Variants in RARB observed in about 807,000 individuals in gnomAD.
RARB encodes retinoic acid receptor beta.
Under a neutral mutation model 51.9 loss-of-function variants are expected in RARB, and 17 were observed. The ratio of observed to expected loss-of-function variants is 0.33; its 90% CI spans 0.22 to 0.49. The LOEUF is 0.49. RARB is among the 20% of genes least tolerant of loss of function. The probability of loss-of-function intolerance (pLI) is 0.99; values close to 1 mark genes in which losing one functional copy is unlikely to be tolerated. For synonymous variants in RARB, 215 were observed against 195.4 expected, an observed-to-expected ratio of 1.10 and a Z score of -0.84; for missense variants, 369 against 550.8, an observed-to-expected ratio of 0.67 and a Z score of 3.30.
chr3:24,861,693 C>T (rs1199439507), intron 2 of RARB, among the ~76,000 whole-genome samples: 1 of 151,442 alleles, frequency 6.6e-6, no homozygotes, highest in African/African-American at 2.4e-5. Context: ...TAGTGTCTGG[C>T]TTAATAGGTA....
chr3:25,450,156 A>G (rs1709128923), intron 1 of RARB, among the ~76,000 whole-genome samples: 1 of 152,190 alleles, frequency 6.6e-6, no homozygotes, highest in African/African-American at 2.4e-5. Flanking sequence ...TATATGCTCC[A>G]TGAGTGTTAG....
chr3:25,521,146 C>T (rs927232246), intron 3 of RARB, among the ~76,000 whole-genome samples: 6 of 152,304 alleles, frequency 3.9e-5, no homozygotes, highest in East Asian at 1.9e-4. Flanking sequence ...AAGGAAAGGG[C>T]GTTACCTTTC....
intron 2 of RARB, among the ~76,000 whole-genome samples, chr3:24,864,934 G>A (rs1367178400): frequency 6.6e-6 from 1 of 152,116 alleles, no homozygotes; most frequent in South Asian, 2.1e-4. Context: ...GCTAGTCAAG[G>A]AACTGTACTT....
chr3:25,259,233 A>G lies in RARB; in HGVS notation c.178+84658A>G, dbSNP rs540126982. Among the ~76,000 whole-genome samples the G allele has an allele frequency of 9.9e-5, 15 of 152,234 alleles. No homozygotes were observed. In the South Asian group the frequency reaches 2.7e-3, roughly 27 times the overall value. On this transcript the variant is annotated intron_variant, in intron 5 of 11. Transcript: ENST00000383772. ...CACCAATGATTAGCATTCCCTTTCC[A>G]TAATAGGGAGTTTTTGCTGTGAAGT...
intron 5 of RARB, among the ~76,000 whole-genome samples, chr3:25,211,498 A>T (rs1575223803): frequency 6.6e-6 from 1 of 152,386 alleles, no homozygotes; most frequent in Non-Finnish European, 1.5e-5. Context: ...GAAATTTATT[A>T]ATAAAGATCA....
chr3:24,989,122 G>A (rs145557908), intron 2 of RARB, among the ~76,000 whole-genome samples: 2,240 of 152,188 alleles, frequency 0.015, 31 homozygotes, highest in Middle Eastern at 0.037. Flanking sequence ...CACCGCACCC[G>A]GCCCACTTAT....
At chr3:25,321,275 T>G (rs1704561234) in intron 5 of RARB, among the ~76,000 whole-genome samples, 1 of 152,196 alleles carries the variant, frequency 6.6e-6, no homozygotes, top group Non-Finnish European at 1.5e-5. Flanking sequence ...GGAAAAACCA[T>G]GATCATTTAC....
chr3:24,988,234 C>T (rs768938170), intron 2 of RARB, among the ~76,000 whole-genome samples: 5 of 151,996 alleles, frequency 3.3e-5, no homozygotes, highest in Non-Finnish European at 7.4e-5. Context: ...ACTTGTTGAC[C>T]ATTTGGGATA....
At chr3:25,050,448 A>T (rs1575136512) in intron 2 of RARB, among the ~76,000 whole-genome samples, 1 of 152,108 alleles carries the variant, frequency 6.6e-6, no homozygotes, top group East Asian at 1.9e-4. Flanking sequence ...AAAAAAATTA[A>T]CTCTCATCCT....
chr3:25,052,177 A>G (rs1486459817), intron 2 of RARB, among the ~76,000 whole-genome samples: 2 of 152,296 alleles, frequency 1.3e-5, no homozygotes, highest in East Asian at 1.9e-4. Context: ...TGTAACTTAC[A>G]TCCATCCTGA....
intron 3 of RARB, among the ~76,000 whole-genome samples, chr3:25,129,469 A>T (rs1401348002): frequency 6.6e-6 from 1 of 152,242 alleles, no homozygotes; most frequent in Non-Finnish European, 1.5e-5. Context: ...TATTGAAATA[A>T]CTTATCTCAA....
upstream of RARB, among the ~76,000 whole-genome samples, chr3:25,424,590 G>A (rs903091666): frequency 6.6e-6 from 1 of 152,192 alleles, no homozygotes; most frequent in South Asian, 2.1e-4. Context: ...CAACATGAAA[G>A]AGCTGGGCAT....
intron 2 of RARB, among the ~76,000 whole-genome samples, chr3:25,022,010 G>C (rs562933166): frequency 2.4e-4 from 37 of 152,276 alleles, no homozygotes; most frequent in African/African-American, 8.7e-4. Flanking sequence ...CTAGACTCTA[G>C]AGGGCAACAG....
At chr3:25,143,540 C>T (rs1700142463) in intron 4 of RARB, among the ~76,000 whole-genome samples, 2 of 152,222 alleles carry the variant, frequency 1.3e-5, no homozygotes, top group South Asian at 4.1e-4. Flanking sequence ...GAGTTGGTTA[C>T]CTGGTACTTT....
chr3:25,100,656 C>T (rs1316485045), intron 3 of RARB, among the ~76,000 whole-genome samples: 8 of 152,192 alleles, frequency 5.3e-5, no homozygotes, highest in Middle Eastern at 3.4e-3. Flanking sequence ...GATAACTCTG[C>T]TATTTTTATT....
chr3:25,539,621 C>G (rs1211861757), intron 3 of RARB, among the ~76,000 whole-genome samples: 1 of 149,614 alleles, frequency 6.7e-6, no homozygotes, highest in Non-Finnish European at 1.5e-5. Flanking sequence ...TTTTTCCCCC[C>G]CACACTCTCT....
chr3:25,457,392 T>G (rs1193533134), intron 1 of RARB, among the ~76,000 whole-genome samples: 1 of 152,324 alleles, frequency 6.6e-6, no homozygotes, highest in Non-Finnish European at 1.5e-5. Flanking sequence ...TCTATTGTAC[T>G]CACATGAGAA....
chr3:25,180,544 C>A (rs1351534257), intron 5 of RARB, among the ~76,000 whole-genome samples: 2 of 152,182 alleles, frequency 1.3e-5, no homozygotes, highest in African/African-American at 4.8e-5. Context: ...GGGAGATTAG[C>A]CTCCATGCAG....
intron 3 of RARB, among the ~76,000 whole-genome samples, chr3:25,534,564 C>G (rs568583946): frequency 6.6e-6 from 1 of 152,274 alleles, no homozygotes; most frequent in Admixed American, 6.5e-5. Context: ...AACAGGTTCC[C>G]TTATCAGTGG....
Sources: gnomAD v4.1 joint callset for allele counts (sites outside exome capture counted in the v4.1 genomes callset) on GRCh38, gnomAD v4.1.1 for gene constraint, MANE v1.5 for transcripts, NCBI Gene and HGNC (gene_info 2026-07-23, HGNC 2026-07-21) for gene names.